Variants in HPSE2 observed in about 807,000 individuals in gnomAD.
HPSE2 encodes the protein heparanase 2 (inactive).
A neutral mutation model predicts 60.5 loss-of-function variants in HPSE2; 38 were observed. The observed-to-expected ratio is 0.63, with a 90% CI of 0.48 to 0.82. The LOEUF is 0.82. HPSE2 is among the 40% of genes least tolerant of loss of function. The probability of loss-of-function intolerance (pLI) is 0.00; values close to 1 mark genes in which losing one functional copy is unlikely to be tolerated. For synonymous variants in HPSE2, 295 were observed against 293.2 expected (o/e 1.01, Z -0.06); for missense variants, 713 against 740.4 (o/e 0.96, Z 0.43).
intron 9 of HPSE2, among the ~76,000 whole-genome samples, chr10:98,603,708 G>T (rs992775029): frequency 6.6e-6 from 1 of 152,072 alleles, no homozygotes; most frequent in Non-Finnish European, 1.5e-5. Context: ...GATTACAGGT[G>T]TGAGCCACCG....
chr10:99,235,781 G>C lies in HPSE2; in HGVS notation c.22C>G (p.Pro8Ala), dbSNP rs776971277. The C allele has an allele frequency of 3.7e-6, 6 of 1,613,602 alleles. No individual in the cohort carries two copies. The highest frequency in any genetic ancestry group is 5.1e-6 in the Non-Finnish European group (6 of 1,179,926). ...GAGTTGCTGGAGGGCATGGCTTCAG[G>C]GAAGGCACAAAGCACCCTCATTCAA... MRVLCAF[P>A]EAMPSSNSRP... is the part of the protein sequence containing the mutation. The change falls in exon 1 of 12, where the codon CCT becomes GCT. Residue 8 changes from proline (P) to alanine (A), a missense_variant. By Grantham distance (27) the Pro-to-Ala change is conservative. Coordinates refer to ENST00000370552, the MANE Select transcript of HPSE2 (RefSeq NM_021828.5).
At chr10:98,778,264 C>CAGAGAGAGAGAGAG (rs143885408) in intron 3 of HPSE2, among the ~76,000 whole-genome samples, 16,151 of 112,452 alleles carry the variant, frequency 0.14, 2,117 homozygotes, top group Non-Finnish European at 0.17. Flanking sequence ...GAGAGAGAGA[C>CAGAGAGAGAGAGAG]AGAGAGAGAG....
chr10:98,824,762 T>C (rs1170303818), intron 3 of HPSE2, among the ~76,000 whole-genome samples: 2 of 152,230 alleles, frequency 1.3e-5, no homozygotes, highest in Non-Finnish European at 2.9e-5. Flanking sequence ...TGAGTCTGCA[T>C]TGTTTTCAAG....
Position 98,457,640 on chromosome 10 carries a change from T to C in HPSE2, c.*1934A>G, listed in dbSNP as rs1940105323. On this transcript the variant is annotated 3_prime_UTR_variant, in exon 12 of 12. Coordinates refer to ENST00000370552, the MANE Select transcript of HPSE2 (RefSeq NM_021828.5). Reference sequence around the variant, plus strand: ...AACGACCTTTTAGTCTCATTTCTCTTTTCCTCTCTTTTCCTCACTTTGGCC... The same window carrying C: ...AACGACCTTTTAGTCTCATTTCTCTCTTCCTCTCTTTTCCTCACTTTGGCC... The C allele has an allele frequency of 6.6e-6, 1 of 151,908 alleles. No homozygotes were observed. Among genetic ancestry groups the C allele is most frequent in the Non-Finnish European group, 1.5e-5 (1 of 68,192 alleles). The allele number at this position is 151,908 out of a possible 1,614,324, so 9.4% of individuals were successfully genotyped here. A position where few individuals can be genotyped will look rare whatever the true frequency, so the allele number is the denominator to read the frequency against.
intron 2 of HPSE2, among the ~76,000 whole-genome samples, chr10:99,189,462 G>T (rs1848144433): frequency 6.6e-6 from 1 of 152,070 alleles, no homozygotes. Context: ...GAGAGGAGAG[G>T]GCCTCAATAA....
At chr10:99,081,073 G>A (rs991932112) in intron 3 of HPSE2, among the ~76,000 whole-genome samples, 1 of 152,046 alleles carries the variant, frequency 6.6e-6, no homozygotes, top group Non-Finnish European at 1.5e-5. Flanking sequence ...GGATTACAGG[G>A]GTGAACCACC....
rs113089002 is a variant in HPSE2, at chr10:98,933,403, T to C, written c.611-189347A>G. ...GATCAATTTTAGAATAAGTGCCATGTGGCACCAAAAAGAAATGTATATTCT... is the reference window on the plus strand; with the variant it reads ...GATCAATTTTAGAATAAGTGCCATGCGGCACCAAAAAGAAATGTATATTCT... On this transcript the variant is annotated intron_variant, in intron 3 of 11. Coordinates refer to ENST00000370552, the MANE Select transcript of HPSE2 (RefSeq NM_021828.5). Among the ~76,000 whole-genome samples, 394 of 144,480 alleles carry C rather than the reference T, an allele frequency of 2.7e-3. 37 individuals are homozygous for C. The highest frequency in any genetic ancestry group is 4.4e-3 in the Non-Finnish European group (298 of 67,252). 94.8% of individuals were successfully genotyped at this position (144,480 alleles called of 152,430 possible).
intron 3 of HPSE2, among the ~76,000 whole-genome samples, chr10:99,041,393 G>A (rs2135475755): frequency 6.6e-6 from 1 of 152,218 alleles, no homozygotes; most frequent in East Asian, 1.9e-4. Context: ...TCTAGGGAAG[G>A]GTGAATGAGT....
At chr10:98,601,338 A>G (rs1297982924) in intron 9 of HPSE2, among the ~76,000 whole-genome samples, 1 of 152,222 alleles carries the variant, frequency 6.6e-6, no homozygotes, top group African/African-American at 2.4e-5. Flanking sequence ...AAGTTGACAC[A>G]TACAATTAAC....
At chr10:98,914,391 T>C (rs1465956594) in intron 3 of HPSE2, among the ~76,000 whole-genome samples, 2 of 152,000 alleles carry the variant, frequency 1.3e-5, no homozygotes, top group African/African-American at 4.8e-5. Flanking sequence ...TTATTAGCAG[T>C]GTGAAAATGG....
chr10:98,904,981 A>G (rs1953768863), intron 3 of HPSE2, among the ~76,000 whole-genome samples: 1 of 152,186 alleles, frequency 6.6e-6, no homozygotes, highest in Non-Finnish European at 1.5e-5. Flanking sequence ...TGACATAAAA[A>G]TGTAAAGTAT....
intron 2 of HPSE2, among the ~76,000 whole-genome samples, chr10:99,148,749 C>T (rs1363541452): frequency 6.6e-6 from 1 of 152,092 alleles, no homozygotes; most frequent in African/African-American, 2.4e-5. Flanking sequence ...AAGATCGCGC[C>T]ATTGCACTCC....
intron 3 of HPSE2, among the ~76,000 whole-genome samples, chr10:98,911,590 G>C (rs540186485): frequency 1.1e-4 from 16 of 152,244 alleles, no homozygotes; most frequent in African/African-American, 3.1e-4. Context: ...AAGGAGCTGA[G>C]GTAGAGGGAT....
intron 3 of HPSE2, among the ~76,000 whole-genome samples, chr10:99,098,291 T>C (rs975346564): frequency 6.6e-6 from 1 of 152,236 alleles, no homozygotes; most frequent in Non-Finnish European, 1.5e-5. Context: ...AAAAGTAATC[T>C]AGAAATGATG....
intron 3 of HPSE2, among the ~76,000 whole-genome samples, chr10:98,776,278 CAAAA>C (rs35176062): frequency 5.8e-5 from 8 of 137,062 alleles, no homozygotes; most frequent in Non-Finnish European, 6.2e-5. Flanking sequence ...ACTAAAAATA[CAAAA>C]AAAAAAAAAA....
intron 3 of HPSE2, among the ~76,000 whole-genome samples, chr10:99,040,900 C>G (rs372176286): frequency 6.6e-6 from 1 of 152,054 alleles, no homozygotes; most frequent in African/African-American, 2.4e-5. Flanking sequence ...TCCTGGCTAA[C>G]ACAGTGAAAC....
At chr10:99,268,416 G>C in the HPSE2 span, among the ~76,000 whole-genome samples, 318 of 152,224 alleles carry the variant, frequency 2.1e-3, 5 homozygotes, top group Admixed American at 3.7e-3. Context: ...GGCTGAGCTG[G>C]GTGGATCATG....
intron 6 of HPSE2, among the ~76,000 whole-genome samples, chr10:98,657,343 GTTTGT>G (rs1168558930): frequency 3.5e-5 from 5 of 141,242 alleles, no homozygotes; most frequent in Non-Finnish European, 6.2e-5. Context: ...CTTTTTTTTT[GTTTGT>G]TTTGTTTTGT....
chr10:99,153,450 C>A (rs1005463726), intron 2 of HPSE2, among the ~76,000 whole-genome samples: 1 of 152,180 alleles, frequency 6.6e-6, no homozygotes, highest in African/African-American at 2.4e-5. Flanking sequence ...GACCCCTGAC[C>A]CCCGAGCAGC....
Sources: allele counts gnomAD v4.1 joint callset (sites outside exome capture counted in the v4.1 genomes callset), GRCh38; gene constraint gnomAD v4.1.1; transcripts MANE v1.5; gene names NCBI Gene and HGNC (gene_info 2026-07-23, HGNC 2026-07-21).